Variants in RGS22 observed in about 807,000 individuals in gnomAD.
RGS22 encodes the protein regulator of G protein signaling 22.
RGS22 carries 148 observed loss-of-function variants against 172.9 expected under a neutral mutation model. The ratio of observed to expected loss-of-function variants is 0.86; its 90% confidence interval spans 0.75 to 0.98. The LOEUF (loss-of-function observed/expected upper bound fraction) is 0.98, where lower values mean the gene tolerates loss of function less well. RGS22 is among the 50% of genes least tolerant of loss of function. The pLI, the probability that RGS22 is intolerant of heterozygous loss-of-function variation, is 0.00. For missense variants in RGS22, 1,347 were observed against 1,440.8 expected (o/e 0.93, Z 1.05); for synonymous variants, 458 against 480.2 (o/e 0.95, Z 0.60).
At chr8:100,081,327 G>T (rs1472934672) in intron 3 of RGS22, among the ~76,000 whole-genome samples, 2 of 148,346 alleles carry the variant, frequency 1.3e-5, no homozygotes, top group African/African-American at 4.9e-5. Context: ...AGTAAAATTG[G>T]AACTAGAAGT....
intron 17 of RGS22, chr8:100,003,259 T>A (rs1036844528): frequency 1.3e-4 from 20 of 152,484 alleles, no homozygotes; most frequent in African/African-American, 4.1e-4. Context: ...TATCAGAACA[T>A]CTCATGTACC....
At chr8:100,008,661 A>T in intron 14 of RGS22, 92 bp from the exon 15 acceptor site, 1 of 946,746 alleles carries the variant, frequency 1.1e-6, no homozygotes, top group South Asian at 1.8e-5. Context: ...AAAAACTAAG[A>T]GAAGGCAAAT....
chr8:100,098,853 T>A (rs1563732563), intron 2 of RGS22, among the ~76,000 whole-genome samples: 3 of 22,744 alleles, frequency 1.3e-4, no homozygotes, highest in African/African-American at 9.0e-4. Context: ...TTATTTATTT[T>A]ATTATTTTAT....
At position 100,005,926 on chromosome 8, in the gene RGS22, G is replaced by A. The variant is rs530005902; in HGVS notation, c.2454+91C>T. The A allele has an allele frequency of 2.6e-5, 22 of 831,412 alleles. No individual in the cohort carries two copies. The Admixed American group carries it at 3.1e-4, about 12-fold the overall frequency. 51.5% of individuals were successfully genotyped at this position (831,412 alleles called of 1,614,324 possible). A position where few individuals can be genotyped will look rare whatever the true frequency, so the allele number is the denominator to read the frequency against. On this transcript the variant is annotated intron_variant, in intron 16 of 27. Transcript: ENST00000360863. ...AAAATGAAACTGCCTATATGATCTC[G>A]TCACTCTACAATCTCCCCCTGCCCC...
intron 14 of RGS22, among the ~76,000 whole-genome samples, chr8:100,022,614 ATTTG>A (rs1394623026): frequency 6.6e-6 from 1 of 152,080 alleles, no homozygotes; most frequent in Non-Finnish European, 1.5e-5. Flanking sequence ...AAATTTTTGG[ATTTG>A]TTTTTTAAAA....
intron 14 of RGS22, among the ~76,000 whole-genome samples, chr8:100,037,883 A>G (rs1819666678): frequency 6.6e-6 from 1 of 152,212 alleles, no homozygotes; most frequent in African/African-American, 2.4e-5. Flanking sequence ...ATGGAGACAG[A>G]TATGGGCTAT....
intron 19 of RGS22, 77 bp from the exon 20 acceptor site, chr8:99,996,607 A>G: frequency 8.5e-7 from 1 of 1,181,398 alleles, no homozygotes; most frequent in Non-Finnish European, 1.2e-6. Flanking sequence ...AAGTAGCTAA[A>G]AAAATGAGAT....
intron 10 of RGS22, among the ~76,000 whole-genome samples, chr8:100,052,109 G>A (rs368115272): frequency 3.2e-3 from 60 of 18,732 alleles, no homozygotes; most frequent in Non-Finnish European, 4.6e-3. Context: ...ATATATAAAT[G>A]TTTATATATA....
At chr8:100,052,738 A>G (rs1270007013) in intron 10 of RGS22, 64 bp downstream of exon 10, 24 of 1,399,902 alleles carry the variant, frequency 1.7e-5, no homozygotes, top group Non-Finnish European at 2.4e-5. Flanking sequence ...CAGTGCACAA[A>G]CACTCAAGCA....
At chr8:99,976,638 G>A (rs1270639061) in intron 23 of RGS22, among the ~76,000 whole-genome samples, 2 of 152,178 alleles carry the variant, frequency 1.3e-5, no homozygotes, top group Non-Finnish European at 2.9e-5. Context: ...TGGGATTACA[G>A]GCGTGAGCCA....
intron 14 of RGS22, among the ~76,000 whole-genome samples, chr8:100,037,099 T>A (rs1481060132): frequency 6.6e-6 from 1 of 152,164 alleles, no homozygotes; most frequent in Non-Finnish European, 1.5e-5. Context: ...AAACCTGGGA[T>A]AATTAGAACC....
chr8:100,089,784 A>C (rs553215386), intron 3 of RGS22, among the ~76,000 whole-genome samples: 13 of 152,206 alleles, frequency 8.5e-5, no homozygotes, highest in African/African-American at 3.1e-4. Flanking sequence ...ATTTCACACT[A>C]TCGGGATAAA....
At position 100,063,937 on chromosome 8, in the gene RGS22, CTCT is replaced by C. The variant is rs758796055; in HGVS notation, c.828_830del (p.Glu277del). On this transcript the variant is annotated inframe_deletion, in exon 8 of 28. Transcript: ENST00000360863. ...GAGTGTCTTGTAGAGATACAGACAC[CTCT>C]TCTTCTTCTCCTTCTTCTTCTTCAA... 1.5e-5 allele frequency: 24 copies of C among 1,587,218 alleles called. No individual in the cohort carries two copies. The highest frequency in any genetic ancestry group is 4.6e-5 in the South Asian group (4 of 86,280).
At chr8:100,000,739 G>T (rs1012619549) in intron 18 of RGS22, among the ~76,000 whole-genome samples, 1 of 152,142 alleles carries the variant, frequency 6.6e-6, no homozygotes. Flanking sequence ...TCATACTTGT[G>T]CTTATTGAGA....
rs1210186155 is a variant in RGS22, at chr8:99,965,559, CAA to C, written c.3520-131_3520-130del. 7 of 579,652 alleles carry C rather than the reference CAA, an allele frequency of 1.2e-5. No individual in the cohort carries two copies. In the East Asian group the frequency reaches 2.1e-4, roughly 18 times the overall value. 35.9% of individuals were successfully genotyped at this position (579,652 alleles called of 1,614,324 possible). ...GTGAGTGCTGCACTTAAGGTTTCAT[CAA>C]GTCAATATCACTAATGTGACAGAGT... On this transcript the variant is annotated intron_variant, in intron 23 of 27. Transcript: ENST00000360863.
chr8:99,964,816 CA>C (rs1810562337), intron 24 of RGS22, among the ~76,000 whole-genome samples: 1 of 151,988 alleles, frequency 6.6e-6, no homozygotes, highest in Non-Finnish European at 1.5e-5. Flanking sequence ...TACCAGTCAT[CA>C]AAAATAGACA....
At chr8:100,081,345 T>C (rs1247067329) in intron 3 of RGS22, among the ~76,000 whole-genome samples, 1 of 136,658 alleles carries the variant, frequency 7.3e-6, no homozygotes, top group Non-Finnish European at 1.6e-5. Flanking sequence ...AGTATGTGTA[T>C]ATATGTGTGC....
At chr8:100,037,890 C>A (rs931111217) in intron 14 of RGS22, among the ~76,000 whole-genome samples, 13 of 152,064 alleles carry the variant, frequency 8.5e-5, no homozygotes, top group African/African-American at 2.7e-4. Context: ...CAGATATGGG[C>A]TATGTAGGGG....
At chr8:100,056,960 G>A (rs1809678092) in intron 9 of RGS22, among the ~76,000 whole-genome samples, 1 of 152,204 alleles carries the variant, frequency 6.6e-6, no homozygotes, top group African/African-American at 2.4e-5. Context: ...CGGAAAAGAC[G>A]CAGACACTCA....
Sources: allele counts gnomAD v4.1 joint callset (sites outside exome capture counted in the v4.1 genomes callset), GRCh38; gene constraint gnomAD v4.1.1; transcripts MANE v1.5; gene names NCBI Gene and HGNC (gene_info 2026-07-23, HGNC 2026-07-21).